The following PDE8B variants were observed in gnomAD, a reference collection of about 807,000 sequenced individuals.
The protein encoded by PDE8B is high affinity cAMP-specific and IBMX-insensitive 3',5'-cyclic phosphodiesterase 8B.
A neutral mutation model predicts 101.3 loss-of-function variants in PDE8B; 26 were observed. The ratio of observed to expected loss-of-function variants is 0.26; its 90% confidence interval spans 0.19 to 0.36. PDE8B has a LOEUF of 0.36. Ranked by LOEUF, PDE8B falls within the 10% of genes least tolerant of loss-of-function variation. The pLI is 1.00. For missense variants in PDE8B, 810 were observed against 1,163.1 expected (o/e 0.70, Z 4.42); for synonymous variants, 424 against 429.3 (o/e 0.99, Z 0.15).
the PDE8B span, among the ~76,000 whole-genome samples, chr5:77,178,208 C>G: frequency 4.6e-5 from 7 of 152,064 alleles, no homozygotes; most frequent in African/African-American, 7.2e-5. Context: ...GGATTTGGTG[C>G]CTTTATCCTT....
Position 77,419,833 on chromosome 5 carries a change from C to G in PDE8B, c.2196C>G (p.His732Gln). ...TTTTGGCAACAGAGATGACAAAACA[C>G]TTTGAACATGTGAATAAGTTTGTGA... The part of the protein sequence containing the change: ...DMVLATEMTK[H>Q]FEHVNKFVNS... Residue 732 changes from histidine (H) to glutamine (Q), a missense_variant, in exon 19 of 22, where the codon CAC becomes CAG. His to Gln is a conservative substitution (Grantham distance 24). This residue lies in a region of PDE8B where 325 missense variants were observed against 560.9 expected (regional missense o/e 0.58). Transcript: ENST00000264917. 1 of 1,614,088 alleles carries G rather than the reference C, an allele frequency of 6.2e-7. No individual in the cohort carries two copies. The highest frequency in any genetic ancestry group is 8.5e-7 in the Non-Finnish European group (1 of 1,179,946).
the PDE8B span, among the ~76,000 whole-genome samples, chr5:77,101,333 T>C: frequency 1.3e-5 from 2 of 152,152 alleles, no homozygotes; most frequent in Non-Finnish European, 2.9e-5. Flanking sequence ...TGAGTATGTG[T>C]GGCTTGGAGG....
chr5:77,129,996 G>A, the PDE8B span, among the ~76,000 whole-genome samples: 1 of 152,282 alleles, frequency 6.6e-6, no homozygotes, highest in South Asian at 2.1e-4. Flanking sequence ...TCTCGATTCT[G>A]TTTTCACACA....
At chr5:77,196,145 A>G in the PDE8B span, among the ~76,000 whole-genome samples, 61 of 152,146 alleles carry the variant, frequency 4.0e-4, no homozygotes, top group African/African-American at 1.4e-3. Context: ...GAGTTATAAG[A>G]GTTTTCTTTT....
intron 20 of PDE8B, among the ~76,000 whole-genome samples, chr5:77,423,640 T>G (rs867628618): frequency 0.052 from 6,142 of 117,692 alleles, 585 homozygotes; most frequent in African/African-American, 0.15. Context: ...TAGTTTTTTT[T>G]TTTTTTTTTT....
the PDE8B span, among the ~76,000 whole-genome samples, chr5:77,189,191 C>T: frequency 6.6e-6 from 1 of 152,198 alleles, no homozygotes; most frequent in African/African-American, 2.4e-5. Flanking sequence ...ACACTTGCTT[C>T]CCCACTCTGA....
the PDE8B span, among the ~76,000 whole-genome samples, chr5:77,203,903 C>A: frequency 6.6e-6 from 1 of 152,054 alleles, no homozygotes; most frequent in Non-Finnish European, 1.5e-5. Context: ...AGGAGAGGGC[C>A]TGCTTAGAAA....
chr5:77,096,846 A>C, the PDE8B span, among the ~76,000 whole-genome samples: 2 of 152,154 alleles, frequency 1.3e-5, no homozygotes, highest in African/African-American at 4.8e-5. Flanking sequence ...ATTAGGACCC[A>C]CCCTAATGGG....
chr5:77,335,392 G>A (rs1005936927), intron 5 of PDE8B, among the ~76,000 whole-genome samples: 2 of 152,130 alleles, frequency 1.3e-5, no homozygotes, highest in African/African-American at 4.8e-5. Context: ...TCCCTTATGT[G>A]TATGTTTATG....
At chr5:77,096,069 C>A in the PDE8B span, among the ~76,000 whole-genome samples, 62 of 152,050 alleles carry the variant, frequency 4.1e-4, no homozygotes, top group African/African-American at 1.5e-3. Flanking sequence ...CTGCTCACTG[C>A]AGCCTCAGCC....
At chr5:77,414,587 A>ATT (rs35794220) in intron 17 of PDE8B, among the ~76,000 whole-genome samples, 450 of 139,452 alleles carry the variant, frequency 3.2e-3, no homozygotes, top group Middle Eastern at 7.6e-3. Context: ...TGCCCAGCCG[A>ATT]TTTTTTTTTT....
At chr5:77,159,581 C>T in the PDE8B span, among the ~76,000 whole-genome samples, 429 of 152,266 alleles carry the variant, frequency 2.8e-3, 6 homozygotes, top group Admixed American at 0.027. Flanking sequence ...AATCAACTCC[C>T]GTTCATATAT....
chr5:77,419,338 C>T (rs2242161), intron 18 of PDE8B, among the ~76,000 whole-genome samples: 14,837 of 152,192 alleles, frequency 0.097, 835 homozygotes, highest in South Asian at 0.15. Flanking sequence ...CTTCCAATGC[C>T]ATCATTGAAA....
chr5:77,329,149 T>TG, intron 4 of PDE8B, 92 bp downstream of exon 4: 1 of 966,566 alleles, frequency 1.0e-6, no homozygotes, highest in Non-Finnish European at 1.7e-6. Flanking sequence ...ATCTAAGCAA[T>TG]GGGTGTGTCT....
intron 8 of PDE8B, among the ~76,000 whole-genome samples, chr5:77,350,544 G>T (rs1165038170): frequency 1.3e-5 from 2 of 152,032 alleles, no homozygotes; most frequent in African/African-American, 4.8e-5. Context: ...GAAGCTAAGA[G>T]GAGCCAGAGT....
rs752856390 is a variant in PDE8B, at chr5:77,331,413, A to G, written c.662A>G (p.His221Arg). 1.9e-6 allele frequency: 3 copies of G among 1,613,738 alleles called. No homozygotes were observed. The highest frequency in any genetic ancestry group is 1.7e-6 in the Non-Finnish European group (2 of 1,179,790). The stretch of plus-strand genomic sequence containing the variant: ...CTGCTTTGCTGCAGATCGGATGACC[A>G]TGAAGAGGCGTCAGTCCTTCCTCTT... Reference protein sequence around the residue: ...LAVVSRVSDDHEEASVLPLLH... With the variant: ...LAVVSRVSDDREEASVLPLLH... Residue 221 changes from histidine to arginine, a missense_variant, in exon 5 of 22, where the codon CAT becomes CGT. This residue lies in a region of PDE8B where 251 missense variants were observed against 378.8 expected (regional missense o/e 0.66). Transcript: ENST00000264917.
intron 10 of PDE8B, among the ~76,000 whole-genome samples, chr5:77,371,165 T>C (rs1785024756): frequency 6.6e-6 from 1 of 152,210 alleles, no homozygotes; most frequent in South Asian, 2.1e-4. Context: ...ATGTTCGTTG[T>C]TTTCTGTGAC....
intron 10 of PDE8B, among the ~76,000 whole-genome samples, chr5:77,393,181 C>G (rs1790301616): frequency 6.6e-6 from 1 of 152,094 alleles, no homozygotes; most frequent in Admixed American, 6.6e-5. Context: ...ATTGCTTCAG[C>G]TCAGGAGTTG....
chr5:77,240,309 G>A (rs533946802), intron 1 of PDE8B, among the ~76,000 whole-genome samples: 36 of 152,158 alleles, frequency 2.4e-4, no homozygotes, highest in East Asian at 7.8e-4. Flanking sequence ...GCCCGCCACC[G>A]CGCCCGGCTA....
Sources: allele counts gnomAD v4.1 joint callset (sites outside exome capture counted in the v4.1 genomes callset), GRCh38; gene constraint gnomAD v4.1.1; regional missense constraint gnomAD v4.1.1; transcripts MANE v1.5; gene names NCBI Gene and HGNC (gene_info 2026-07-23, HGNC 2026-07-21).